The following SHOX2 variants were observed in gnomAD, a reference collection of about 807,000 sequenced individuals.
The protein encoded by SHOX2 is SHOX homeobox 2.
SHOX2 carries 13 observed loss-of-function variants against 31.3 expected under a neutral mutation model. That is an observed-to-expected ratio of 0.42 (90% CI 0.27 to 0.66). The LOEUF (loss-of-function observed/expected upper bound fraction) is 0.66, where lower values mean the gene tolerates loss of function less well. Ranked by LOEUF, SHOX2 falls within the 30% of genes least tolerant of loss-of-function variation. The pLI is 0.27. For synonymous variants in SHOX2, 244 were observed against 196.2 expected (o/e 1.24, Z -2.04); for missense variants, 473 against 443.0 (o/e 1.07, Z -0.61).
rs778424066 is a variant in SHOX2 at position 158,102,720 on chromosome 3, C to T, written c.513G>A (p.Glu171=). Reference sequence around the variant, plus strand: ...ACAGGCCCAGTCGCTGGCTCAGTTCCTCTCGCATGAAGGCGTCGGGATAGT... The same window carrying T: ...ACAGGCCCAGTCGCTGGCTCAGTTCTTCTCGCATGAAGGCGTCGGGATAGT... ...ETHYPDAFMR[E]ELSQRLGLSE... is the part of the protein sequence containing the mutation. Residue 171 remains glutamate (E), a synonymous_variant, in exon 2 of 5, where the codon GAG becomes GAA. Coordinates refer to ENST00000483851, the MANE Select transcript of SHOX2 (RefSeq NM_001163678.2). 1 of 1,614,152 alleles carries T rather than the reference C, an allele frequency of 6.2e-7. No individual in the cohort carries two copies.
intron 1 of SHOX2, 51 bp downstream of exon 1, chr3:158,105,628 G>A: frequency 6.8e-7 from 1 of 1,472,642 alleles, no homozygotes. Flanking sequence ...CCCGAGAGGA[G>A]TCCGGAAGGC....
intron 1 of SHOX2, 33 bp from the exon 2 acceptor site, chr3:158,102,919 C>A (rs1198310176): frequency 6.3e-7 from 1 of 1,574,984 alleles, no homozygotes; most frequent in African/African-American, 1.3e-5. Context: ...GCCACACGTG[C>A]ATCCACACGA....
intron 3 of SHOX2, 67 bp downstream of exon 3, chr3:158,100,187 T>C (rs1713409460): frequency 7.7e-7 from 1 of 1,291,170 alleles, no homozygotes; most frequent in African/African-American, 1.5e-5. Flanking sequence ...TCTGTCATTG[T>C]AATAGTAATA....
intron 4 of SHOX2, among the ~76,000 whole-genome samples, chr3:158,098,949 C>A (rs552646525): frequency 6.6e-6 from 1 of 152,118 alleles, no homozygotes; most frequent in Non-Finnish European, 1.5e-5. Context: ...TTAAAGTCAC[C>A]CCTCCCTCTT....
chr3:158,102,981 G>C, intron 1 of SHOX2, 95 bp from the exon 2 acceptor site: 2 of 1,182,474 alleles, frequency 1.7e-6, no homozygotes, highest in Non-Finnish European at 2.5e-6. Context: ...AGCAAATCCT[G>C]TTACCAGATT....
chr3:158,103,789 G>GT (rs1713669859), intron 1 of SHOX2: 1 of 152,262 alleles, frequency 6.6e-6, no homozygotes, highest in African/African-American at 2.4e-5. Flanking sequence ...AGATCAACAG[G>GT]TTCAAGCGGA....
At position 158,102,898 on chromosome 3, in the gene SHOX2, AC is replaced by A. The variant is rs943637261; in HGVS notation, c.347-13del. On this transcript the variant is annotated splice_polypyrimidine_tract_variant and intron_variant, in intron 1 of 4. Coordinates refer to ENST00000483851, the MANE Select transcript of SHOX2 (RefSeq NM_001163678.2). ...CAGCTCCGGGGACACTGGAGGGGGC[AC>A]CCCAGCGGGGCCACACGTGCATCCA... is the stretch of plus-strand genomic sequence containing the variant. The A allele has an allele frequency of 1.9e-6, 3 of 1,612,686 alleles. No individual in the cohort carries two copies. The highest frequency in any genetic ancestry group is 1.7e-5 in the Admixed American group (1 of 59,942).
Position 158,100,504 on chromosome 3 carries a change from GAT to G in SHOX2, c.556-195_556-194del, listed in dbSNP as rs1713432489. On this transcript the variant is annotated intron_variant, in intron 2 of 4. Transcript: ENST00000483851. ...TGTAAATTAACTACAGAAATAGAAA[GAT>G]AGATTTTATAGACTTTCACAAGATA... Among the ~76,000 whole-genome samples the G allele has an allele frequency of 2.0e-5, 3 of 152,142 alleles. No individual in the cohort carries two copies. In the South Asian group the frequency reaches 6.2e-4, roughly 31 times the overall value.
At chr3:158,098,656 T>G (rs1713288544) in intron 4 of SHOX2, among the ~76,000 whole-genome samples, 2 of 152,202 alleles carry the variant, frequency 1.3e-5, no homozygotes, top group South Asian at 4.1e-4. Flanking sequence ...CTGCCATGCA[T>G]CTCTTACCCC....
At chr3:158,103,618 C>T (rs1713657846) in intron 1 of SHOX2, 1 of 152,354 alleles carries the variant, frequency 6.6e-6, no homozygotes, top group Non-Finnish European at 1.5e-5. Flanking sequence ...CAGGCGCCCA[C>T]GCCATGTTGG....
Position 158,100,317 on chromosome 3 carries a change from G to A in SHOX2, c.556-6C>T, listed in dbSNP as rs144467135. 6.3e-7 allele frequency: 1 copy of A among 1,576,656 alleles called. No individual in the cohort carries two copies. Among genetic ancestry groups the A allele is most frequent in the Non-Finnish European group, 8.6e-7 (1 of 1,169,582 alleles). ...CTTCGATTTTGAAACCAAACCTATA[G>A]GTTGGAGGGGGAAAAAAAATAAAAC... On this transcript the variant is annotated splice_polypyrimidine_tract_variant and splice_region_variant and intron_variant, in intron 2 of 4. Coordinates refer to ENST00000483851, the MANE Select transcript of SHOX2 (RefSeq NM_001163678.2).
chr3:158,096,233 C>T lies in SHOX2; in HGVS notation c.*1794G>A, dbSNP rs1482582425. 1.3e-5 allele frequency: 2 copies of T among 152,244 alleles called. No homozygotes were observed. The highest frequency in any genetic ancestry group is 4.8e-5 in the African/African-American group (2 of 41,412). The allele number at this position is 152,244 out of a possible 1,614,324, so 9.4% of individuals were successfully genotyped here. A position where few individuals can be genotyped will look rare whatever the true frequency, so the allele number is the denominator to read the frequency against. ...GAGAACAAATAGTTACAAAGCTCAA[C>T]CGCATACCAAAGTTCAGTTAGAAGA... On this transcript the variant is annotated 3_prime_UTR_variant, in exon 5 of 5. Coordinates refer to ENST00000483851, the MANE Select transcript of SHOX2 (RefSeq NM_001163678.2).
intron 1 of SHOX2, chr3:158,105,032 GCC>G (rs57739193): frequency 0.06 from 18,187 of 301,718 alleles, 206 homozygotes; most frequent in African/African-American, 0.15. Flanking sequence ...CTCCCCCGCC[GCC>G]CCCCCCCCCC....
rs773528468 is a variant in SHOX2, at chr3:158,106,041, C to G, written c.-17G>C. On this transcript the variant is annotated 5_prime_UTR_variant, in exon 1 of 5. Transcript: ENST00000483851. ...TTCTTCCATCGCCGCCGCACGTCAG[C>G]CCGGCGCTCAACCTCTGCCAGCAGA... 1.2e-6 allele frequency: 2 copies of G among 1,612,086 alleles called. No individual in the cohort carries two copies. The highest frequency in any genetic ancestry group is 1.7e-6 in the Non-Finnish European group (2 of 1,179,078).
chr3:158,098,454 G>A (rs1713275901), intron 4 of SHOX2, 170 bp from the exon 5 acceptor site: 7 of 792,726 alleles, frequency 8.8e-6, no homozygotes, highest in Admixed American at 5.7e-5. Flanking sequence ...TTCTCAGCCT[G>A]TTGCTGAATC....
At chr3:158,100,055 T>G in intron 3 of SHOX2, 107 bp from the exon 4 acceptor site, 1 of 1,058,622 alleles carries the variant, frequency 9.4e-7, no homozygotes, top group East Asian at 2.5e-5. Flanking sequence ...TGGACTATTA[T>G]CTTTCTAAAC....
At position 158,099,921 on chromosome 3, in the gene SHOX2, A is replaced by G. The variant is rs761418532; in HGVS notation, c.641T>C (p.Phe214Ser). 6.2e-7 allele frequency: 1 copy of G among 1,614,084 alleles called. No individual in the cohort carries two copies. Among genetic ancestry groups the G allele is most frequent in the Non-Finnish European group, 8.5e-7 (1 of 1,180,026 alleles). The change falls in exon 4 of 5, where the codon TTT (phenylalanine) becomes TCT (serine). Residue 214 changes from phenylalanine (F) to serine (S), a missense_variant. Coordinates refer to ENST00000483851, the MANE Select transcript of SHOX2 (RefSeq NM_001163678.2). The stretch of plus-strand genomic sequence containing the variant: ...ATAAGGTGCGACTCTACAAGCTTCA[A>G]ACTGGCTGGCGGCCCCTATGAGAAC... ...KGVLIGAASQ[F>S]EACRVAPYVN...
chr3:158,096,275 G>A lies in SHOX2; in HGVS notation c.*1752C>T, dbSNP rs1713063571. On this transcript the variant is annotated 3_prime_UTR_variant, in exon 5 of 5. Transcript: ENST00000483851. ...GTTAGAAGAGCTTTTCCTCTTTCTT[G>A]TAAATTAGAAGGTAAAACAAAAACA... 1 of 152,150 alleles carries A rather than the reference G, an allele frequency of 6.6e-6. No individual in the cohort carries two copies. The highest frequency in any genetic ancestry group is 2.1e-4 in the South Asian group (1 of 4,830). The allele number at this position is 152,150 out of a possible 1,614,324, so 9.4% of individuals were successfully genotyped here.
chr3:158,097,750 G>C lies in SHOX2; in HGVS notation c.*277C>G. On this transcript the variant is annotated 3_prime_UTR_variant, in exon 5 of 5. Transcript: ENST00000483851. ...CACTCCCCTGTCCAGTCTCTCTCCA[G>C]ACTCCCCCAAACCCGCTCCTACAAA... 2.1e-6 allele frequency: 1 copy of C among 484,538 alleles called. No homozygotes were observed. The allele number at this position is 484,538 out of a possible 1,614,324, so 30.0% of individuals were successfully genotyped here. A position where few individuals can be genotyped will look rare whatever the true frequency, so the allele number is the denominator to read the frequency against.
Sources: gnomAD v4.1 joint callset for allele counts (sites outside exome capture counted in the v4.1 genomes callset) on GRCh38, gnomAD v4.1.1 for gene constraint, MANE v1.5 for transcripts, NCBI Gene and HGNC (gene_info 2026-07-23, HGNC 2026-07-21) for gene names.